EBF2: variants seen among roughly 807,000 people sequenced by gnomAD.
EBF2 encodes EBF transcription factor 2.
In EBF2, 21 loss-of-function variants were observed where a neutral mutation model predicts 72.8. That is an observed-to-expected ratio of 0.29 (90% confidence interval 0.20 to 0.42). The LOEUF is 0.42. Among genes scored for constraint, EBF2 ranks in the 10% least tolerant of loss-of-function variants. The pLI, the probability that EBF2 is intolerant of heterozygous loss-of-function variation, is 1.00. For synonymous variants in EBF2, 299 were observed against 274.2 expected, an observed-to-expected ratio of 1.09 and a Z score of -0.89; for missense variants, 637 against 731.2, an observed-to-expected ratio of 0.87 and a Z score of 1.49.
intron 6 of EBF2, among the ~76,000 whole-genome samples, chr8:25,932,723 T>G (rs1487106550): frequency 6.6e-6 from 1 of 152,054 alleles, no homozygotes; most frequent in African/African-American, 2.4e-5. Flanking sequence ...ATTCTGCAAA[T>G]GGCAGCACTG....
chr8:26,003,290 C>A (rs1031399334), intron 6 of EBF2, among the ~76,000 whole-genome samples: 2 of 152,064 alleles, frequency 1.3e-5, no homozygotes, highest in Non-Finnish European at 2.9e-5. Context: ...GAGCTGAATG[C>A]CCCCTGAGAG....
At chr8:25,881,681 TTTTG>T (rs949988846) in intron 10 of EBF2, among the ~76,000 whole-genome samples, 2 of 152,164 alleles carry the variant, frequency 1.3e-5, no homozygotes, top group Non-Finnish European at 2.9e-5. Context: ...GGACAGGCAT[TTTTG>T]TTTACCTGCC....
intron 6 of EBF2, among the ~76,000 whole-genome samples, chr8:25,962,078 G>A (rs567508708): frequency 6.6e-6 from 1 of 152,304 alleles, no homozygotes; most frequent in African/African-American, 2.4e-5. Flanking sequence ...GAGGGGGCCA[G>A]GGAGGAACGT....
At position 25,861,238 on chromosome 8, in the gene EBF2, C is replaced by T; in HGVS notation, c.1165-12G>A. ...TTCAAAATGATGTCCTACAAAACAACAGGTTAATGTGAGCATTCTATCCAG... is the reference window on the plus strand; with the variant it reads ...TTCAAAATGATGTCCTACAAAACAATAGGTTAATGTGAGCATTCTATCCAG... On this transcript the variant is annotated splice_polypyrimidine_tract_variant and intron_variant, in intron 12 of 15. Coordinates refer to ENST00000520164, the MANE Select transcript of EBF2 (RefSeq NM_022659.4). The T allele has an allele frequency of 6.2e-7, 1 of 1,612,834 alleles. No individual in the cohort carries two copies. The highest frequency in any genetic ancestry group is 1.1e-5 in the South Asian group (1 of 90,930).
At chr8:25,952,697 A>T (rs890753240) in intron 6 of EBF2, among the ~76,000 whole-genome samples, 3 of 152,262 alleles carry the variant, frequency 2.0e-5, no homozygotes, top group Admixed American at 6.5e-5. Flanking sequence ...TGCAAGTTTT[A>T]TGCTCTATTT....
chr8:25,973,408 C>G (rs1804221320), intron 6 of EBF2, among the ~76,000 whole-genome samples: 1 of 152,160 alleles, frequency 6.6e-6, no homozygotes. Context: ...CAGGGCAGAT[C>G]TTCTGTTTCC....
At chr8:26,023,196 G>A (rs1805232399) in intron 6 of EBF2, among the ~76,000 whole-genome samples, 1 of 152,120 alleles carries the variant, frequency 6.6e-6, no homozygotes, top group Non-Finnish European at 1.5e-5. Context: ...GTCCTCTTTG[G>A]ATAAATATAT....
At chr8:25,852,916 T>A (rs963729476) in intron 14 of EBF2, among the ~76,000 whole-genome samples, 1 of 152,204 alleles carries the variant, frequency 6.6e-6, no homozygotes, top group African/African-American at 2.4e-5. Context: ...AAGGCACTTA[T>A]CTTCATCAGT....
chr8:25,986,220 T>G (rs1300192333), intron 6 of EBF2, among the ~76,000 whole-genome samples: 1 of 152,082 alleles, frequency 6.6e-6, no homozygotes, highest in Non-Finnish European at 1.5e-5. Flanking sequence ...TTTCCTTGCC[T>G]TTGTTCACGC....
chr8:25,904,366 C>A (rs1803003241), intron 7 of EBF2, among the ~76,000 whole-genome samples: 1 of 150,942 alleles, frequency 6.6e-6, no homozygotes, highest in South Asian at 2.1e-4. Flanking sequence ...TTGAAAATAA[C>A]CTTGATGTAA....
intron 1 of EBF2, among the ~76,000 whole-genome samples, chr8:26,043,136 C>G (rs2117269282): frequency 6.6e-6 from 1 of 152,348 alleles, no homozygotes; most frequent in African/African-American, 2.4e-5. Flanking sequence ...AAGGCGCCCT[C>G]GAGCGTGCTG....
At position 25,843,006 on chromosome 8, in the gene EBF2, C is replaced by T. The variant is rs1801765597; in HGVS notation, c.*1603G>A. 6.6e-6 allele frequency: 1 copy of T among 152,130 alleles called. No individual in the cohort carries two copies. The highest frequency in any genetic ancestry group is 1.5e-5 in the Non-Finnish European group (1 of 68,020). 9.4% of individuals were successfully genotyped at this position (152,130 alleles called of 1,614,324 possible). On this transcript the variant is annotated 3_prime_UTR_variant, in exon 16 of 16. Transcript: ENST00000520164. ...TGGAAACAAGTGACATCTTTATTGGCAATCCCAATATGCCTGGATATGTCT... is the reference window on the plus strand; with the variant it reads ...TGGAAACAAGTGACATCTTTATTGGTAATCCCAATATGCCTGGATATGTCT...
intron 6 of EBF2, among the ~76,000 whole-genome samples, chr8:25,937,218 C>A (rs944766666): frequency 1.3e-5 from 2 of 152,112 alleles, no homozygotes; most frequent in Non-Finnish European, 2.9e-5. Context: ...AAGAAGCAAC[C>A]GTGGATGTTT....
At chr8:25,901,193 G>A (rs961762104) in intron 7 of EBF2, among the ~76,000 whole-genome samples, 27 of 152,166 alleles carry the variant, frequency 1.8e-4, no homozygotes, top group African/African-American at 6.3e-4. Flanking sequence ...TGAGACGGGT[G>A]GGTGAATCAC....
chr8:25,953,443 C>T (rs962635522), intron 6 of EBF2, among the ~76,000 whole-genome samples: 8 of 152,202 alleles, frequency 5.3e-5, no homozygotes, highest in Non-Finnish European at 4.4e-5. Flanking sequence ...AGAATAAGCT[C>T]CTCCTCAGAG....
intron 6 of EBF2, among the ~76,000 whole-genome samples, chr8:26,013,053 G>A (rs1463560278): frequency 6.6e-6 from 1 of 152,170 alleles, no homozygotes; most frequent in Non-Finnish European, 1.5e-5. Flanking sequence ...CCTAGTTGAT[G>A]AAGAGTGTTA....
intron 6 of EBF2, among the ~76,000 whole-genome samples, chr8:25,972,685 C>T (rs1356797734): frequency 6.6e-6 from 1 of 152,028 alleles, no homozygotes; most frequent in Non-Finnish European, 1.5e-5. Context: ...ATGAGGAAGC[C>T]GGGACCCACG....
chr8:25,977,501 C>T (rs1437810308), intron 6 of EBF2, among the ~76,000 whole-genome samples: 1 of 152,156 alleles, frequency 6.6e-6, no homozygotes, highest in Non-Finnish European at 1.5e-5. Context: ...CCTCAATCTT[C>T]TCTCTCGCCC....
At chr8:25,910,417 G>C (rs1265125873) in intron 6 of EBF2, among the ~76,000 whole-genome samples, 1 of 152,066 alleles carries the variant, frequency 6.6e-6, no homozygotes, top group African/African-American at 2.4e-5. Context: ...CAAATGGAGG[G>C]CTTTTTCTCA....
Sources: allele counts gnomAD v4.1 joint callset (sites outside exome capture counted in the v4.1 genomes callset), GRCh38; gene constraint gnomAD v4.1.1; transcripts MANE v1.5; gene names NCBI Gene and HGNC (gene_info 2026-07-23, HGNC 2026-07-21).